The following NUDC variants were observed in gnomAD, a reference collection of about 807,000 sequenced individuals.
The protein encoded by NUDC is nuclear migration protein nudC.
NUDC carries 14 observed loss-of-function variants against 45.0 expected under a neutral mutation model. The observed-to-expected ratio is 0.31, with a 90% CI of 0.21 to 0.49. The LOEUF is 0.49. Ranked by LOEUF, NUDC falls within the 20% of genes least tolerant of loss-of-function variation. The probability of loss-of-function intolerance (pLI) is 0.99; values close to 1 mark genes in which losing one functional copy is unlikely to be tolerated. For synonymous variants in NUDC, 153 were observed against 156.7 expected (o/e 0.98, Z 0.17); for missense variants, 323 against 426.2 (o/e 0.76, Z 2.13).
At chr1:26,938,746 C>T (rs1198424469) in intron 2 of NUDC, among the ~76,000 whole-genome samples, 1 of 152,160 alleles carries the variant, frequency 6.6e-6, no homozygotes, top group Admixed American at 6.5e-5. Context: ...TGCAGTTCTG[C>T]CTTAGAGATG....
chr1:26,909,396 G>A (rs1217666213), intron 2 of NUDC, among the ~76,000 whole-genome samples: 1 of 152,178 alleles, frequency 6.6e-6, no homozygotes, highest in Non-Finnish European at 1.5e-5. Flanking sequence ...GGGATGACAG[G>A]CATGAGCCAT....
intron 6 of NUDC, among the ~76,000 whole-genome samples, chr1:26,943,670 C>G (rs1250612718): frequency 6.6e-6 from 1 of 152,156 alleles, no homozygotes; most frequent in Non-Finnish European, 1.5e-5. Flanking sequence ...TGTTCTTGTT[C>G]TAAGTGCTGG....
intron 2 of NUDC, among the ~76,000 whole-genome samples, chr1:26,934,331 A>G (rs189151079): frequency 8.7e-4 from 133 of 152,300 alleles, no homozygotes; most frequent in African/African-American, 3.0e-3. Context: ...ACTCACTCGT[A>G]TCATGAGAAC....
At chr1:26,907,016 TGTCG>T (rs1349977902) in intron 2 of NUDC, among the ~76,000 whole-genome samples, 1 of 152,142 alleles carries the variant, frequency 6.6e-6, no homozygotes, top group Non-Finnish European at 1.5e-5. Flanking sequence ...ATCTTAGCAT[TGTCG>T]CCTCCACCAG....
intron 2 of NUDC, among the ~76,000 whole-genome samples, chr1:26,939,950 C>T (rs1485683400): frequency 6.6e-6 from 1 of 152,194 alleles, no homozygotes. Flanking sequence ...AAGTTGTTCA[C>T]TTGTCTAAGG....
At chr1:26,900,531 T>C in intron 1 of NUDC, 1 of 1,062,736 alleles carries the variant, frequency 9.4e-7, no homozygotes. Context: ...ATTGTGAAAA[T>C]TCTAACTAGT....
At chr1:26,908,520 G>A in intron 2 of NUDC, among the ~76,000 whole-genome samples, 1 of 152,158 alleles carries the variant, frequency 6.6e-6, no homozygotes, top group African/African-American at 2.4e-5. Flanking sequence ...GATTGGTAGG[G>A]AAGAAATTTG....
At chr1:26,918,246 C>T (rs981190677), upstream of NUDC, among the ~76,000 whole-genome samples, 1 of 148,652 alleles carries the variant, frequency 6.7e-6, no homozygotes, top group African/African-American at 2.5e-5. Context: ...GATCTTGACT[C>T]ACTGCAACCT....
At chr1:26,936,987 A>G (rs2082240205) in intron 2 of NUDC, among the ~76,000 whole-genome samples, 1 of 152,132 alleles carries the variant, frequency 6.6e-6, no homozygotes, top group African/African-American at 2.4e-5. Flanking sequence ...ATAAGTTCCA[A>G]ATTGCCTCGT....
intron 1 of NUDC, among the ~76,000 whole-genome samples, chr1:26,901,542 C>A (rs1255727185): frequency 6.6e-6 from 1 of 151,602 alleles, no homozygotes; most frequent in East Asian, 1.9e-4. Flanking sequence ...GTAGCTGGGA[C>A]TACAGGTGCG....
intron 2 of NUDC, among the ~76,000 whole-genome samples, chr1:26,926,362 T>G (rs1252823953): frequency 1.3e-5 from 2 of 152,202 alleles, no homozygotes; most frequent in African/African-American, 4.8e-5. Flanking sequence ...CCCAGGTTCT[T>G]GGTCTAGCTT....
intron 2 of NUDC, among the ~76,000 whole-genome samples, chr1:26,936,207 G>C (rs1320102842): frequency 2.3e-5 from 1 of 43,424 alleles, no homozygotes; most frequent in Non-Finnish European, 4.1e-5. Context: ...TTTTTTTTTT[G>C]AGATGGAGTT....
At chr1:26,922,318 G>A (rs1448614688) in intron 1 of NUDC, 3 of 314,906 alleles carry the variant, frequency 9.5e-6, no homozygotes, top group East Asian at 1.8e-4. Context: ...TGGTAGGGGA[G>A]CGGGCTGATG....
upstream of NUDC, chr1:26,921,690 G>T (rs1397615010): frequency 2.5e-5 from 18 of 720,518 alleles, no homozygotes; most frequent in East Asian, 4.2e-4. Context: ...CGGGAAGAGA[G>T]GAGGTGGAGG....
At chr1:26,908,542 G>C (rs2082012052) in intron 2 of NUDC, among the ~76,000 whole-genome samples, 1 of 152,024 alleles carries the variant, frequency 6.6e-6, no homozygotes, top group South Asian at 2.1e-4. Context: ...AAAGGATCAA[G>C]GTAGAGATTT....
intron 2 of NUDC, among the ~76,000 whole-genome samples, chr1:26,937,136 G>T (rs757100699): frequency 1.3e-5 from 2 of 152,132 alleles, no homozygotes; most frequent in Non-Finnish European, 2.9e-5. Context: ...ATAACTTCAG[G>T]AACAGCCAAA....
intron 2 of NUDC, among the ~76,000 whole-genome samples, chr1:26,939,949 A>C (rs1189980919): frequency 6.6e-6 from 1 of 152,208 alleles, no homozygotes; most frequent in Non-Finnish European, 1.5e-5. Context: ...AAAGTTGTTC[A>C]CTTGTCTAAG....
At chr1:26,942,456 C>G (rs2082285294) in intron 4 of NUDC, among the ~76,000 whole-genome samples, 1 of 152,222 alleles carries the variant, frequency 6.6e-6, no homozygotes. Flanking sequence ...CTGAGCTCCT[C>G]TCAGACTGAG....
chr1:26,921,325 T>C (rs369443229), upstream of NUDC, among the ~76,000 whole-genome samples: 63 of 152,328 alleles, frequency 4.1e-4, 2 homozygotes, highest in South Asian at 0.013. Context: ...CCTAGTCAAG[T>C]ACGCAGTGAG....
Sources: gnomAD v4.1 joint callset for allele counts (sites outside exome capture counted in the v4.1 genomes callset) on GRCh38, gnomAD v4.1.1 for gene constraint, MANE v1.5 for transcripts, NCBI Gene and HGNC (gene_info 2026-07-23, HGNC 2026-07-21) for gene names.